Variants in C8orf34 observed in about 807,000 individuals in gnomAD.
C8orf34 encodes the protein chromosome 8 open reading frame 34.
A neutral mutation model predicts 68.3 loss-of-function variants in C8orf34; 65 were observed. That is an observed-to-expected ratio of 0.95 (90% CI 0.78 to 1.17). The LOEUF (loss-of-function observed/expected upper bound fraction) is 1.17, where lower values mean the gene tolerates loss of function less well. Among genes scored for constraint, C8orf34 ranks in the 50% most tolerant of loss-of-function variants. C8orf34 has a pLI of 0.00. For missense variants in C8orf34, 664 were observed against 655.4 expected (o/e 1.01, Z -0.14); for synonymous variants, 244 against 241.2 (o/e 1.01, Z -0.11).
Position 68,732,995 on chromosome 8 carries a change from C to T in C8orf34, c.1404+11558C>T, listed in dbSNP as rs551278000. Among the ~76,000 whole-genome samples the T allele has an allele frequency of 6.6e-5, 10 of 152,140 alleles. No individual in the cohort carries two copies. The East Asian group carries it at 1.4e-3, about 21-fold the overall frequency. On this transcript the variant is annotated intron_variant, in intron 10 of 13. Transcript: ENST00000518698. ...AGGAGAACTGTTTGAACCTTGGAGGCGGAGGTTGCAGTGAGCTGAGATCAC... is the reference window on the plus strand; with the variant it reads ...AGGAGAACTGTTTGAACCTTGGAGGTGGAGGTTGCAGTGAGCTGAGATCAC...
chr8:68,817,240 G>C (rs1162595069), intron 13 of C8orf34, among the ~76,000 whole-genome samples: 1 of 152,114 alleles, frequency 6.6e-6, no homozygotes, highest in African/African-American at 2.4e-5. Context: ...AGAAGCATGA[G>C]GATAAGTATG....
At chr8:68,373,055 G>A (rs1241251835) in intron 1 of C8orf34, among the ~76,000 whole-genome samples, 1 of 152,164 alleles carries the variant, frequency 6.6e-6, no homozygotes, top group African/African-American at 2.4e-5. Flanking sequence ...GAGTGCAATG[G>A]CGCAATCTCA....
intron 4 of C8orf34, among the ~76,000 whole-genome samples, chr8:68,482,823 G>A (rs187612415): frequency 1.6e-4 from 24 of 152,294 alleles, no homozygotes; most frequent in Non-Finnish European, 2.1e-4. Context: ...GGAATGTGGG[G>A]AGTTGGTTTT....
intron 1 of C8orf34, among the ~76,000 whole-genome samples, chr8:68,336,439 T>G (rs144546527): frequency 1.3e-3 from 202 of 152,280 alleles, no homozygotes; most frequent in African/African-American, 4.6e-3. Context: ...CAAGTCAGCC[T>G]TCTTACTGAT....
intron 10 of C8orf34, among the ~76,000 whole-genome samples, chr8:68,747,251 A>G (rs904520037): frequency 6.6e-6 from 1 of 151,458 alleles, no homozygotes; most frequent in African/African-American, 2.4e-5. Flanking sequence ...AATAAGAGCT[A>G]TCTATGACAA....
At chr8:68,486,956 G>A (rs1439796345) in intron 4 of C8orf34, among the ~76,000 whole-genome samples, 1 of 152,150 alleles carries the variant, frequency 6.6e-6, no homozygotes, top group African/African-American at 2.4e-5. Flanking sequence ...TGCCCTGAAT[G>A]TGAGAGCTGG....
intron 10 of C8orf34, among the ~76,000 whole-genome samples, chr8:68,733,292 A>T (rs1222640835): frequency 6.6e-6 from 1 of 152,190 alleles, no homozygotes; most frequent in African/African-American, 2.4e-5. Context: ...ATATTGAGGG[A>T]GATGTAATAG....
intron 10 of C8orf34, among the ~76,000 whole-genome samples, chr8:68,738,948 C>G (rs920301370): frequency 2.6e-5 from 4 of 152,074 alleles, no homozygotes; most frequent in Non-Finnish European, 5.9e-5. Flanking sequence ...CCAGCATCAT[C>G]CTCATAGCAA....
chr8:68,606,175 T>C (rs900798891), intron 7 of C8orf34, among the ~76,000 whole-genome samples: 1 of 152,168 alleles, frequency 6.6e-6, no homozygotes, highest in Non-Finnish European at 1.5e-5. Flanking sequence ...TCATTTGTAA[T>C]TAATTCTCTT....
At chr8:68,452,515 T>C (rs2129627642) in intron 3 of C8orf34, among the ~76,000 whole-genome samples, 1 of 151,616 alleles carries the variant, frequency 6.6e-6, no homozygotes, top group South Asian at 2.1e-4. Context: ...TCCCTAAAGG[T>C]TAATAGTTTT....
chr8:68,649,268 A>G (rs550337580), intron 8 of C8orf34, among the ~76,000 whole-genome samples: 2 of 152,328 alleles, frequency 1.3e-5, no homozygotes, highest in Admixed American at 1.3e-4. Flanking sequence ...ATTTGAATCC[A>G]AATGCATTTA....
At chr8:68,645,540 G>C (rs1465807429) in intron 8 of C8orf34, among the ~76,000 whole-genome samples, 1 of 152,146 alleles carries the variant, frequency 6.6e-6, no homozygotes, top group Non-Finnish European at 1.5e-5. Flanking sequence ...AACGTGTGAA[G>C]TGGCAATGTT....
chr8:68,735,815 C>T (rs1822106397), intron 10 of C8orf34, among the ~76,000 whole-genome samples: 1 of 152,138 alleles, frequency 6.6e-6, no homozygotes, highest in African/African-American at 2.4e-5. Flanking sequence ...TAAATCTTAA[C>T]TATATTTGTC....
At chr8:68,531,798 G>C (rs956451229) in intron 6 of C8orf34, among the ~76,000 whole-genome samples, 1 of 151,994 alleles carries the variant, frequency 6.6e-6, no homozygotes, top group East Asian at 1.9e-4. Flanking sequence ...CTGTGAAAAG[G>C]GTACATAGGA....
intron 11 of C8orf34, among the ~76,000 whole-genome samples, chr8:68,785,097 CT>C (rs1381959507): frequency 6.6e-6 from 1 of 151,854 alleles, no homozygotes. Context: ...GTAATCTCAG[CT>C]ACTTGGGAGG....
At chr8:68,605,345 A>G (rs894937371) in intron 7 of C8orf34, among the ~76,000 whole-genome samples, 4 of 152,112 alleles carry the variant, frequency 2.6e-5, no homozygotes, top group Admixed American at 6.6e-5. Flanking sequence ...TAATTCGGCA[A>G]TTGCACTCCT....
chr8:68,665,805 C>T (rs2164201), intron 8 of C8orf34, among the ~76,000 whole-genome samples: 1 of 148,224 alleles, frequency 6.7e-6, no homozygotes, highest in East Asian at 1.9e-4. Flanking sequence ...ACACTTTTTT[C>T]TCAAAGTATC....
chr8:68,574,877 A>G, intron 7 of C8orf34, among the ~76,000 whole-genome samples: 1 of 151,988 alleles, frequency 6.6e-6, no homozygotes, highest in Non-Finnish European at 1.5e-5. Context: ...CTCAGTAAAC[A>G]TGTCTTCTTT....
chr8:68,699,521 C>G (rs1052701798), intron 8 of C8orf34, among the ~76,000 whole-genome samples: 5 of 152,050 alleles, frequency 3.3e-5, no homozygotes, highest in African/African-American at 1.2e-4. Flanking sequence ...CCTTTGTGCA[C>G]ATAATAACCT....
Sources: allele counts gnomAD v4.1 joint callset (sites outside exome capture counted in the v4.1 genomes callset), GRCh38; gene constraint gnomAD v4.1.1; transcripts MANE v1.5; gene names NCBI Gene and HGNC (gene_info 2026-07-23, HGNC 2026-07-21).